Variants in PINX1 observed in about 807,000 individuals in gnomAD.
PINX1 encodes the protein PIN2 (TERF1) interacting telomerase inhibitor 1.
A neutral mutation model predicts 25.4 loss-of-function variants in PINX1; 34 were observed. That is an observed-to-expected ratio of 1.34 (90% CI 1.02 to 1.78). The LOEUF is 1.78. Ranked by LOEUF, PINX1 falls within the 40% of genes most tolerant of loss-of-function variation. The probability of loss-of-function intolerance (pLI) is 0.00; values close to 1 mark genes in which losing one functional copy is unlikely to be tolerated. For synonymous variants in PINX1, 197 were observed against 147.7 expected, an observed-to-expected ratio of 1.33 and a Z score of -2.42; for missense variants, 592 against 404.9, an observed-to-expected ratio of 1.46 and a Z score of -3.97.
Position 10,789,682 on chromosome 8 carries a change from G to C in PINX1, c.472-23766C>G, listed in dbSNP as rs576992081. On this transcript the variant is annotated intron_variant, in intron 6 of 6. Transcript: ENST00000314787. ...AGTGGCAGAGCCAAAAACGCAAGCTGCTAAAGAGACAAAACGTGTTCAATT... is the reference window on the plus strand; with the variant it reads ...AGTGGCAGAGCCAAAAACGCAAGCTCCTAAAGAGACAAAACGTGTTCAATT... Among the ~76,000 whole-genome samples, 3 of 152,316 alleles carry C rather than the reference G, an allele frequency of 2.0e-5. No homozygotes were observed. In the South Asian group the frequency reaches 6.2e-4, roughly 32 times the overall value.
In PINX1 at chr8:10,831,758, G is replaced by C. The variant is rs143079425; in HGVS notation, c.223-15C>G. ...ATCCAGTTGTCCTGAAAATATCAAA[G>C]AAATGAACGAGAGGTAAGCCTGTAG... is the stretch of plus-strand genomic sequence containing the variant. On this transcript the variant is annotated splice_polypyrimidine_tract_variant and intron_variant, in intron 3 of 6. Transcript: ENST00000314787. The C allele has an allele frequency of 6.2e-4, 938 of 1,506,870 alleles. 8 individuals are homozygous for C. In the East Asian group the frequency reaches 0.014, roughly 23 times the overall value. 93.3% of individuals were successfully genotyped at this position (1,506,870 alleles called of 1,614,324 possible).
At position 10,833,001 on chromosome 8, in the gene PINX1, C is replaced by T. The variant is rs1221643297; in HGVS notation, c.130-17G>A. On this transcript the variant is annotated splice_polypyrimidine_tract_variant and intron_variant, in intron 2 of 6. Transcript: ENST00000314787. ...CCCTAAACCCTGTGGAGATTAAACACAGAGAGTTAGAACATTCCTCTCACT... is the reference window on the plus strand; with the variant it reads ...CCCTAAACCCTGTGGAGATTAAACATAGAGAGTTAGAACATTCCTCTCACT... 6.6e-7 allele frequency: 1 copy of T among 1,525,094 alleles called. No homozygotes were observed. Among genetic ancestry groups the T allele is most frequent in the Middle Eastern group, 1.7e-4 (1 of 5,924 alleles). 94.5% of individuals were successfully genotyped at this position (1,525,094 alleles called of 1,614,324 possible).
chr8:10,815,406 G>A (rs1435150152), intron 6 of PINX1, among the ~76,000 whole-genome samples: 2 of 152,260 alleles, frequency 1.3e-5, no homozygotes, highest in East Asian at 1.9e-4. Context: ...AATTAAGAGA[G>A]CACATTCTTT....
At chr8:10,839,594 G>C in intron 1 of PINX1, 144 bp downstream of exon 1, 1 of 803,400 alleles carries the variant, frequency 1.2e-6, no homozygotes, top group Non-Finnish European at 2.0e-6. Context: ...AGGACAATCA[G>C]AGCCGGGCTC....
At chr8:10,826,315 T>C (rs1798040297) in intron 4 of PINX1, 71 bp from the exon 5 acceptor site, 3 of 815,212 alleles carry the variant, frequency 3.7e-6, no homozygotes, top group East Asian at 2.7e-5. Flanking sequence ...TAACAGTGGA[T>C]AGTCTTGAAA....
chr8:10,832,754 G>A (rs778498270), intron 3 of PINX1, 138 bp downstream of exon 3: 56 of 541,892 alleles, frequency 1.0e-4, no homozygotes, highest in African/African-American at 2.5e-4. Context: ...CATTCAAAGC[G>A]TCAGTGTTCA....
chr8:10,836,486 T>C (rs1285854293), intron 1 of PINX1, among the ~76,000 whole-genome samples: 1 of 152,192 alleles, frequency 6.6e-6, no homozygotes. Context: ...TGACTAGGGC[T>C]TGTACGAAGG....
At chr8:10,811,059 C>G (rs1797506060) in intron 6 of PINX1, among the ~76,000 whole-genome samples, 1 of 152,242 alleles carries the variant, frequency 6.6e-6, no homozygotes, top group South Asian at 2.1e-4. Flanking sequence ...GTGGTCTCAA[C>G]AGCAGCAGCA....
chr8:10,765,729 G>A lies in PINX1; in HGVS notation c.659C>T (p.Thr220Ile). Reference sequence around the variant, plus strand: ...GAGGTAACTTTCCACATCTTTACCTGTGGCCTCTTTATTTCTTTTCTTCCC... The same window carrying A: ...GAGGTAACTTTCCACATCTTTACCTATGGCCTCTTTATTTCTTTTCTTCCC... ...KRGKKRNKEA[T>I]GKDVESYLQP... is the part of the protein sequence containing the mutation. The change falls in exon 7 of 7, where the codon ACA becomes ATA. Residue 220 changes from threonine to isoleucine, a missense_variant. Coordinates refer to ENST00000314787, the MANE Select transcript of PINX1 (RefSeq NM_017884.6). The A allele has an allele frequency of 6.2e-7, 1 of 1,613,956 alleles. No individual in the cohort carries two copies. The highest frequency in any genetic ancestry group is 8.5e-7 in the Non-Finnish European group (1 of 1,179,862).
At chr8:10,835,513 C>T (rs772578062) in intron 1 of PINX1, among the ~76,000 whole-genome samples, 2 of 152,204 alleles carry the variant, frequency 1.3e-5, no homozygotes, top group African/African-American at 4.8e-5. Flanking sequence ...ACAATCCCAT[C>T]CCTCTCATTG....
chr8:10,833,778 T>TG (rs548469790), intron 2 of PINX1: 1 of 164,244 alleles, frequency 6.1e-6, no homozygotes, highest in East Asian at 1.9e-4. Flanking sequence ...AAACGACGAC[T>TG]GGGCTGCGGG....
At chr8:10,777,892 G>A (rs897272959) in intron 6 of PINX1, among the ~76,000 whole-genome samples, 1 of 152,130 alleles carries the variant, frequency 6.6e-6, no homozygotes, top group Non-Finnish European at 1.5e-5. Flanking sequence ...TTGCAGAGCG[G>A]GTGCCTTCCA....
intron 6 of PINX1, among the ~76,000 whole-genome samples, chr8:10,792,182 G>GCTCTCCCTGCA (rs1563213257): frequency 1.3e-5 from 2 of 152,026 alleles, no homozygotes; most frequent in East Asian, 3.9e-4. Flanking sequence ...CGCTGGCCTC[G>GCTCTCCCTGCA]CTCTCCCTGC....
chr8:10,813,716 G>C (rs1797606813), intron 6 of PINX1, among the ~76,000 whole-genome samples: 2 of 152,124 alleles, frequency 1.3e-5, no homozygotes, highest in Non-Finnish European at 2.9e-5. Flanking sequence ...GAGAGGTGAA[G>C]AAAAGGAGAA....
At chr8:10,771,308 G>C (rs377335348) in intron 6 of PINX1, 1 of 152,200 alleles carries the variant, frequency 6.6e-6, no homozygotes, top group African/African-American at 2.4e-5. Flanking sequence ...AACTGACCCA[G>C]TCACTCCCTA....
chr8:10,819,182 T>C (rs1797790625), intron 6 of PINX1, among the ~76,000 whole-genome samples: 1 of 152,220 alleles, frequency 6.6e-6, no homozygotes, highest in African/African-American at 2.4e-5. Context: ...GACCCAGGAA[T>C]TCAGTCCCAA....
In PINX1 at chr8:10,839,740, T is replaced by A. The variant is rs748591470; in HGVS notation, c.17A>T (p.Glu6Val). The change falls in exon 1 of 7, where the codon GAA (glutamate) becomes GTA (valine). Residue 6 changes from glutamate (E) to valine (V), a missense_variant and splice_region_variant. Coordinates refer to ENST00000314787, the MANE Select transcript of PINX1 (RefSeq NM_017884.6). ...GGGCCTCCGCTTCCGACACTCACGT[T>A]CAGCCAGCATAGACATGTCGGAGAG... is the stretch of plus-strand genomic sequence containing the variant. MSMLA[E>V]RRRKQKWAVD... 7 of 1,605,552 alleles carry A rather than the reference T, an allele frequency of 4.4e-6. No homozygotes were observed. In the Middle Eastern group the frequency reaches 4.9e-4, roughly 113 times the overall value.
At chr8:10,797,079 C>A (rs571789066) in intron 6 of PINX1, among the ~76,000 whole-genome samples, 2 of 152,228 alleles carry the variant, frequency 1.3e-5, no homozygotes, top group African/African-American at 4.8e-5. Context: ...CCCAGTAACA[C>A]ACGTGAACCT....
At chr8:10,805,721 C>A (rs1802426302) in intron 6 of PINX1, among the ~76,000 whole-genome samples, 1 of 94,816 alleles carries the variant, frequency 1.1e-5, no homozygotes, top group Non-Finnish European at 2.2e-5. Context: ...CAGGAAGGGG[C>A]CACACTAGCG....
Sources: allele counts gnomAD v4.1 joint callset (sites outside exome capture counted in the v4.1 genomes callset), GRCh38; gene constraint gnomAD v4.1.1; transcripts MANE v1.5; gene names NCBI Gene and HGNC (gene_info 2026-07-23, HGNC 2026-07-21).